MCC: variants seen among roughly 807,000 people sequenced by gnomAD.
MCC encodes MCC regulator of Wnt signaling pathway.
In MCC, 90 loss-of-function variants were observed where a neutral mutation model predicts 116.2. That is an observed-to-expected ratio of 0.77 (90% CI 0.65 to 0.92). The LOEUF is 0.92. Ranked by LOEUF, MCC falls within the 40% of genes least tolerant of loss-of-function variation. The pLI is 0.00. For synonymous variants in MCC, 578 were observed against 510.5 expected, an observed-to-expected ratio of 1.13 and a Z score of -1.78; for missense variants, 1,516 against 1,312.2, an observed-to-expected ratio of 1.16 and a Z score of -2.40.
At chr5:113,132,989 A>C (rs566469450) in intron 5 of MCC, among the ~76,000 whole-genome samples, 1 of 152,302 alleles carries the variant, frequency 6.6e-6, no homozygotes, top group South Asian at 2.1e-4. Flanking sequence ...TGCAAAAATA[A>C]GAATCTATAA....
intron 8 of MCC, among the ~76,000 whole-genome samples, chr5:113,095,429 G>A (rs1269001752): frequency 6.6e-6 from 1 of 152,122 alleles, no homozygotes; most frequent in Non-Finnish European, 1.5e-5. Flanking sequence ...TAGGATTCTG[G>A]AGCAGATTAA....
intron 8 of MCC, among the ~76,000 whole-genome samples, chr5:113,101,047 G>A (rs1756376180): frequency 6.6e-6 from 1 of 152,140 alleles, no homozygotes; most frequent in Admixed American, 6.5e-5. Context: ...TAACAATTCT[G>A]CCGAACATTT....
intron 6 of MCC, 179 bp from the exon 7 acceptor site, chr5:113,104,534 C>G (rs1294098507): frequency 2.2e-6 from 1 of 459,716 alleles, no homozygotes; most frequent in Non-Finnish European, 3.8e-6. Context: ...ATGCAAAGCT[C>G]TTTTTATTAA....
At chr5:113,334,684 G>A (rs922692271) in intron 3 of MCC, among the ~76,000 whole-genome samples, 4 of 145,166 alleles carry the variant, frequency 2.8e-5, no homozygotes, top group African/African-American at 7.9e-5. Context: ...TCCGCCTCCC[G>A]GGTTCAAGTA....
intron 2 of MCC, among the ~76,000 whole-genome samples, chr5:113,369,192 C>G (rs1768777843): frequency 6.6e-6 from 1 of 151,914 alleles, no homozygotes; most frequent in Middle Eastern, 3.4e-3. Context: ...TAACCTTGAG[C>G]CCCTCTTCCC....
At chr5:113,346,019 A>G (rs1768124213) in intron 2 of MCC, among the ~76,000 whole-genome samples, 1 of 152,212 alleles carries the variant, frequency 6.6e-6, no homozygotes, top group Non-Finnish European at 1.5e-5. Context: ...TCTATCAGAT[A>G]AAGTTAACAA....
intron 2 of MCC, among the ~76,000 whole-genome samples, chr5:113,342,310 A>C (rs1768038234): frequency 6.6e-6 from 1 of 152,220 alleles, no homozygotes; most frequent in Admixed American, 6.5e-5. Flanking sequence ...TGTATGTGCA[A>C]GTATCTTTTT....
At chr5:113,474,072 T>C (rs935756735) in intron 1 of MCC, among the ~76,000 whole-genome samples, 1 of 152,220 alleles carries the variant, frequency 6.6e-6, no homozygotes. Flanking sequence ...ATATGTATTT[T>C]CAAAATATAA....
intron 3 of MCC, among the ~76,000 whole-genome samples, chr5:113,204,320 CA>C (rs980177348): frequency 2.6e-5 from 4 of 152,174 alleles, no homozygotes; most frequent in African/African-American, 9.7e-5. Flanking sequence ...CTCTCTTCCT[CA>C]GAAAAGCTCT....
At chr5:113,169,359 T>C (rs1760946556) in intron 3 of MCC, among the ~76,000 whole-genome samples, 1 of 152,118 alleles carries the variant, frequency 6.6e-6, no homozygotes, top group South Asian at 2.1e-4. Flanking sequence ...TGAAAGACTT[T>C]CCTCTGCAGG....
intron 1 of MCC, among the ~76,000 whole-genome samples, chr5:113,472,218 G>A (rs1048324373): frequency 2.6e-5 from 4 of 152,140 alleles, no homozygotes; most frequent in African/African-American, 9.7e-5. Flanking sequence ...CGGTACCTCA[G>A]TTGGAAATGC....
chr5:113,342,605 G>C (rs905151186), intron 2 of MCC, among the ~76,000 whole-genome samples: 24 of 152,322 alleles, frequency 1.6e-4, no homozygotes, highest in African/African-American at 5.3e-4. Flanking sequence ...GAATGTTCAG[G>C]GAAAGCTTCC....
rs980069215 is a variant in MCC, at chr5:113,025,177, A to G, written c.*2125T>C. 1 of 152,026 alleles carries G rather than the reference A, an allele frequency of 6.6e-6. No individual in the cohort carries two copies. The highest frequency in any genetic ancestry group is 1.5e-5 in the Non-Finnish European group (1 of 68,022). 9.4% of individuals were successfully genotyped at this position (152,026 alleles called of 1,614,324 possible). A position where few individuals can be genotyped will look rare whatever the true frequency, so the allele number is the denominator to read the frequency against. ...GCCTGCTTAATCACAAAAAAGAGCC[A>G]TGCACATCCCACTTTGCTCAGGGGA... On this transcript the variant is annotated 3_prime_UTR_variant, in exon 19 of 19. Coordinates refer to ENST00000408903, the MANE Select transcript of MCC (RefSeq NM_001085377.2).
At chr5:113,326,034 T>C (rs1412016965) in intron 3 of MCC, among the ~76,000 whole-genome samples, 1 of 152,232 alleles carries the variant, frequency 6.6e-6, no homozygotes, top group African/African-American at 2.4e-5. Context: ...GTTTTATTTA[T>C]ATCTTTGATT....
At chr5:113,322,577 A>C (rs796096706) in intron 3 of MCC, among the ~76,000 whole-genome samples, 3 of 152,374 alleles carry the variant, frequency 2.0e-5, no homozygotes, top group African/African-American at 7.2e-5. Context: ...TTATTCAATT[A>C]AACTTTCTTG....
intron 1 of MCC, among the ~76,000 whole-genome samples, chr5:113,422,612 G>C (rs969309458): frequency 5.9e-5 from 9 of 152,184 alleles, no homozygotes; most frequent in Admixed American, 1.3e-4. Context: ...AGGATGTTGT[G>C]GCATTATCAG....
intron 1 of MCC, among the ~76,000 whole-genome samples, chr5:113,470,163 A>G (rs1167095369): frequency 4.0e-5 from 6 of 151,790 alleles, no homozygotes; most frequent in African/African-American, 1.5e-4. Flanking sequence ...TTTTAATTGG[A>G]GCATTTAGCC....
intron 3 of MCC, among the ~76,000 whole-genome samples, chr5:113,251,031 G>T (rs1236560160): frequency 6.6e-6 from 1 of 152,174 alleles, no homozygotes; most frequent in East Asian, 1.9e-4. Context: ...ATCCAGAGGG[G>T]TTTCTTAAGG....
chr5:113,160,233 TC>T (rs1425256742), intron 3 of MCC, among the ~76,000 whole-genome samples: 2 of 152,114 alleles, frequency 1.3e-5, no homozygotes, highest in Middle Eastern at 3.2e-3. Context: ...CTCCCCTTCT[TC>T]AAATAAATGG....
Sources: gnomAD v4.1 joint callset for allele counts (sites outside exome capture counted in the v4.1 genomes callset) on GRCh38, gnomAD v4.1.1 for gene constraint, MANE v1.5 for transcripts, NCBI Gene and HGNC (gene_info 2026-07-23, HGNC 2026-07-21) for gene names.